CACNA2D2: variants seen among roughly 807,000 people sequenced by gnomAD.
CACNA2D2 encodes voltage-dependent calcium channel subunit alpha-2/delta-2.
In CACNA2D2, 48 loss-of-function variants were observed where a neutral mutation model predicts 166.4. The observed-to-expected ratio is 0.29, with a 90% CI of 0.23 to 0.37. The LOEUF is 0.37. Among genes scored for constraint, CACNA2D2 ranks in the 10% least tolerant of loss-of-function variants. The probability of loss-of-function intolerance (pLI) is 1.00; values close to 1 mark genes in which losing one functional copy is unlikely to be tolerated. For missense variants in CACNA2D2, 1,122 were observed against 1,433.0 expected (o/e 0.78, Z 3.50); for synonymous variants, 561 against 573.7 (o/e 0.98, Z 0.32).
At chr3:50,458,371 A>T (rs948196707) in intron 2 of CACNA2D2, among the ~76,000 whole-genome samples, 2 of 152,150 alleles carry the variant, frequency 1.3e-5, no homozygotes, top group Non-Finnish European at 2.9e-5. Flanking sequence ...CCCTGTGCCC[A>T]ACACACCCCC....
intron 4 of CACNA2D2, among the ~76,000 whole-genome samples, chr3:50,392,962 G>A (rs1027661868): frequency 3.3e-5 from 5 of 152,190 alleles, no homozygotes; most frequent in African/African-American, 9.7e-5. Context: ...GCAGCACCCA[G>A]CACCTGCCAG....
intron 2 of CACNA2D2, among the ~76,000 whole-genome samples, chr3:50,473,673 TG>T (rs774687424): frequency 1.1e-4 from 16 of 152,156 alleles, no homozygotes; most frequent in Non-Finnish European, 2.2e-4. Flanking sequence ...AGAGCAATGG[TG>T]GCTCAGTCGG....
intron 1 of CACNA2D2, among the ~76,000 whole-genome samples, chr3:50,502,938 C>T (rs1476092307): frequency 7.8e-6 from 1 of 127,696 alleles, no homozygotes; most frequent in Admixed American, 8.1e-5. Flanking sequence ...CTCGGACCGC[C>T]CCCCCCCAAC....
At chr3:50,397,456 G>C (rs1706220180) in intron 3 of CACNA2D2, among the ~76,000 whole-genome samples, 1 of 152,090 alleles carries the variant, frequency 6.6e-6, no homozygotes, top group Non-Finnish European at 1.5e-5. Flanking sequence ...GAGAGGACTG[G>C]GACCACCACT....
chr3:50,371,056 G>C lies in CACNA2D2; in HGVS notation c.1985-676C>G, dbSNP rs376593320. Among the ~76,000 whole-genome samples the C allele has an allele frequency of 2.6e-5, 4 of 152,178 alleles. No individual in the cohort carries two copies. In the East Asian group the frequency reaches 7.8e-4, roughly 30 times the overall value. ...GGGGCTGGTGGTCCTCCCTGGGCTAGGAGGTGAAGGGAGACCCTCAAAGTG... is the reference window on the plus strand; with the variant it reads ...GGGGCTGGTGGTCCTCCCTGGGCTACGAGGTGAAGGGAGACCCTCAAAGTG... On this transcript the variant is annotated intron_variant, in intron 22 of 37. Coordinates refer to ENST00000424201, the MANE Select transcript of CACNA2D2 (RefSeq NM_006030.4).
In CACNA2D2 at chr3:50,376,943, A is replaced by G. The variant is rs1705027644; in HGVS notation, c.1626+524T>C. On this transcript the variant is annotated intron_variant, in intron 17 of 37. Coordinates refer to ENST00000424201, the MANE Select transcript of CACNA2D2 (RefSeq NM_006030.4). The surrounding 1 kb of genome is among the most constrained non-coding windows in gnomAD (Gnocchi z 4.3). ...GGCCAGAGAATTCCCTCTGCCTCCA[A>G]TGTACGCCATCCCCTCCTTTCCTTT... 6.6e-6 allele frequency among the ~76,000 whole-genome samples: 1 copy of G among 152,298 alleles called. No individual in the cohort carries two copies. Among genetic ancestry groups the G allele is most frequent in the African/African-American group, 2.4e-5 (1 of 41,568 alleles).
Position 50,366,119 on chromosome 3 carries a change from T to A in CACNA2D2, c.2754A>T (p.Ala918=). The change falls in exon 32 of 38, where the codon GCA becomes GCT. Residue 918 remains alanine (A), a synonymous_variant. Transcript: ENST00000424201. The surrounding 1 kb of genome is among the most constrained non-coding windows in gnomAD (Gnocchi z 5.9). ...FSEVDANLML[A]LYNNSFYTRK... ...GGGTGTAGAAGGAGTTATTGTAGAG[T>A]GCCAGCATCAGGTTGGCATCCACCT... 1 of 1,613,718 alleles carries A rather than the reference T, an allele frequency of 6.2e-7. No individual in the cohort carries two copies. The highest frequency in any genetic ancestry group is 1.1e-5 in the South Asian group (1 of 91,080).
intron 6 of CACNA2D2, 95 bp downstream of exon 6, chr3:50,384,101 T>G: frequency 6.7e-7 from 1 of 1,486,008 alleles, no homozygotes. Context: ...TAGATGGCAC[T>G]GGCCTTCTGT....
At chr3:50,470,560 T>G (rs1208734641) in intron 2 of CACNA2D2, among the ~76,000 whole-genome samples, 1 of 121,336 alleles carries the variant, frequency 8.2e-6, no homozygotes, top group Non-Finnish European at 1.6e-5. Context: ...AATTTTCTCC[T>G]GCCAGCAACA....
intron 2 of CACNA2D2, among the ~76,000 whole-genome samples, chr3:50,461,767 A>G (rs959198216): frequency 5.9e-4 from 89 of 150,450 alleles, no homozygotes; most frequent in African/African-American, 2.0e-3. Flanking sequence ...AAAAAAAGAA[A>G]AAAAGAAAGA....
intron 3 of CACNA2D2, among the ~76,000 whole-genome samples, chr3:50,419,006 G>A (rs1707415099): frequency 6.6e-6 from 1 of 152,160 alleles, no homozygotes; most frequent in Non-Finnish European, 1.5e-5. Context: ...CTAAGATGGA[G>A]TTGCTCAGCC....
In CACNA2D2 at chr3:50,367,080, C is replaced by A; in HGVS notation, c.2431G>T (p.Asp811Tyr). ...GTGCTGACGAGGATGCCCACAGTGTCATTCTCCAGCTCCAGCGGCCTTAAC... is the reference window on the plus strand; with the variant it reads ...GTGCTGACGAGGATGCCCACAGTGTAATTCTCCAGCTCCAGCGGCCTTAAC... ...ALLRPLELENDTVGILVSTAV... is the reference protein window; with the variant it reads ...ALLRPLELENYTVGILVSTAV... Residue 811 changes from aspartate to tyrosine, a missense_variant, in exon 28 of 38, where the codon GAC becomes TAC. Around this residue, in one of 2 missense-constraint regions of CACNA2D2, gnomAD observed 840 missense variants for 1,166.8 expected, o/e 0.72. Transcript: ENST00000424201. This position sits in a 1 kb window ranked among gnomAD's most constrained non-coding sequence, Gnocchi z 6.5. 1 of 1,613,584 alleles carries A rather than the reference C, an allele frequency of 6.2e-7. No individual in the cohort carries two copies. The highest frequency in any genetic ancestry group is 1.1e-5 in the South Asian group (1 of 91,064).
At chr3:50,393,982 C>A in intron 4 of CACNA2D2, 127 bp downstream of exon 4, 1 of 773,394 alleles carries the variant, frequency 1.3e-6, no homozygotes, top group Non-Finnish European at 2.2e-6. Context: ...TGGACACCGG[C>A]TTCTGGCTCT....
Position 50,366,564 on chromosome 3 carries a change from C to T in CACNA2D2, c.2637+14G>A. On this transcript the variant is annotated intron_variant, in intron 30 of 37. Transcript: ENST00000424201. The surrounding 1 kb of genome is among the most constrained non-coding windows in gnomAD (Gnocchi z 5.9). ...GGTAAGCTAGGGTCCAGGGTAGGTT[C>T]AGGGCACACACACCTCATTGTTAAC... 1 of 1,613,736 alleles carries T rather than the reference C, an allele frequency of 6.2e-7. No homozygotes were observed. The highest frequency in any genetic ancestry group is 8.5e-7 in the Non-Finnish European group (1 of 1,179,758).
chr3:50,431,980 C>CAAAAAA (rs57712165), intron 3 of CACNA2D2, among the ~76,000 whole-genome samples: 46 of 92,198 alleles, frequency 5.0e-4, no homozygotes, highest in African/African-American at 1.8e-3. Context: ...GTGTCTGTCT[C>CAAAAAA]AAAAAAAAAA....
intron 1 of CACNA2D2, among the ~76,000 whole-genome samples, chr3:50,501,310 G>A (rs1698952897): frequency 6.6e-6 from 1 of 152,160 alleles, no homozygotes; most frequent in African/African-American, 2.4e-5. Flanking sequence ...GGCACTGGCT[G>A]TCACAGCAAA....
intron 1 of CACNA2D2, among the ~76,000 whole-genome samples, chr3:50,493,168 G>A (rs545554136): frequency 3.3e-5 from 5 of 152,222 alleles, no homozygotes; most frequent in Admixed American, 1.3e-4. Context: ...CCCTGCAGCC[G>A]ACACTGCTTC....
rs373401832 is a variant in CACNA2D2 at position 50,427,510 on chromosome 3, G to A, written c.405+6803C>T. 6.6e-6 allele frequency among the ~76,000 whole-genome samples: 1 copy of A among 152,226 alleles called. No individual in the cohort carries two copies. The highest frequency in any genetic ancestry group is 1.9e-4 in the East Asian group (1 of 5,190). ...CGCCTAATTGGCTCCACGTGTCTGC[G>A]GCTCCTTTCCAGAGCAGGAGAGTGG... On this transcript the variant is annotated intron_variant, in intron 3 of 37. Coordinates refer to ENST00000424201, the MANE Select transcript of CACNA2D2 (RefSeq NM_006030.4). The surrounding 1 kb of genome is among the most constrained non-coding windows in gnomAD (Gnocchi z 4.7).
intron 1 of CACNA2D2, among the ~76,000 whole-genome samples, chr3:50,489,162 A>C (rs1698415477): frequency 6.6e-6 from 1 of 152,216 alleles, no homozygotes; most frequent in South Asian, 2.1e-4. Context: ...AAGATGAGGT[A>C]ACTGGGGCAC....
Sources: allele counts gnomAD v4.1 joint callset (sites outside exome capture counted in the v4.1 genomes callset), GRCh38; gene constraint gnomAD v4.1.1; regional missense constraint gnomAD v4.1.1; non-coding constraint Gnocchi (gnomAD v3.1); transcripts MANE v1.5; gene names NCBI Gene and HGNC (gene_info 2026-07-23, HGNC 2026-07-21).